TMTC1: variants seen among roughly 807,000 people sequenced by gnomAD.
TMTC1 encodes transmembrane O-mannosyltransferase targeting cadherins 1.
In TMTC1, 73 loss-of-function variants were observed where a neutral mutation model predicts 104.8. The ratio of observed to expected loss-of-function variants is 0.70; its 90% confidence interval spans 0.58 to 0.85. TMTC1 has a LOEUF of 0.85. Ranked by LOEUF, TMTC1 falls within the 40% of genes least tolerant of loss-of-function variation. TMTC1 has a pLI of 0.00. For synonymous variants in TMTC1, 434 were observed against 428.7 expected (o/e 1.01, Z -0.15); for missense variants, 1,035 against 1,096.1 (o/e 0.94, Z 0.79).
chr12:29,702,866 C>T (rs1941636991), intron 5 of TMTC1, among the ~76,000 whole-genome samples: 1 of 152,162 alleles, frequency 6.6e-6, no homozygotes, highest in Admixed American at 6.5e-5. Context: ...AAACTGAGGC[C>T]AGGCACGGTG....
chr12:29,583,781 T>G (rs1019033225), intron 7 of TMTC1, among the ~76,000 whole-genome samples: 28 of 152,194 alleles, frequency 1.8e-4, no homozygotes, highest in African/African-American at 6.8e-4. Context: ...AAATATTTCT[T>G]GCTATTTCTT....
chr12:29,525,159 T>C (rs899651448), intron 11 of TMTC1, among the ~76,000 whole-genome samples: 14 of 1,090 alleles, frequency 0.013, no homozygotes, highest in Middle Eastern at 0.071. Context: ...AAGGGCAGTC[T>C]TTTTTTTTTT....
intron 5 of TMTC1, among the ~76,000 whole-genome samples, chr12:29,634,058 G>A (rs1289777388): frequency 6.6e-6 from 1 of 152,150 alleles, no homozygotes; most frequent in Non-Finnish European, 1.5e-5. Context: ...TCTGCATTAG[G>A]AGACAATCAA....
intron 7 of TMTC1, among the ~76,000 whole-genome samples, chr12:29,603,589 T>G (rs765435469): frequency 6.6e-6 from 1 of 152,126 alleles, no homozygotes; most frequent in Admixed American, 6.6e-5. Context: ...AAAGTGGCCT[T>G]GGAACAATGA....
At chr12:29,627,693 A>G (rs1407237290) in intron 6 of TMTC1, among the ~76,000 whole-genome samples, 1 of 131,416 alleles carries the variant, frequency 7.6e-6, no homozygotes, top group Non-Finnish European at 1.8e-5. Flanking sequence ...TAGTCCAAAA[A>G]AAAAAAAAAA....
At chr12:29,691,105 AG>A (rs1386629908) in intron 5 of TMTC1, among the ~76,000 whole-genome samples, 1 of 152,196 alleles carries the variant, frequency 6.6e-6, no homozygotes, top group African/African-American at 2.4e-5. Flanking sequence ...ATCAGCTACA[AG>A]ATTAGAAATT....
chr12:29,556,143 T>C lies in TMTC1; in HGVS notation c.1676+714A>G, dbSNP rs139948016. On this transcript the variant is annotated intron_variant, in intron 10 of 17. Coordinates refer to ENST00000539277, the MANE Select transcript of TMTC1 (RefSeq NM_001193451.2). ...GACCATCACCAACATGCTTAGACTA[T>C]ATTAATAAACACACAAGATGCAAAA... is the stretch of plus-strand genomic sequence containing the variant. Among the ~76,000 whole-genome samples the C allele has an allele frequency of 1.4e-3, 211 of 152,296 alleles. 1 individual carries two copies. Among genetic ancestry groups the C allele is most frequent in the African/African-American group, 4.8e-3 (199 of 41,548 alleles).
At chr12:29,634,233 T>C (rs1172771667) in intron 5 of TMTC1, among the ~76,000 whole-genome samples, 1 of 152,092 alleles carries the variant, frequency 6.6e-6, no homozygotes, top group Non-Finnish European at 1.5e-5. Context: ...TTTACAAAAA[T>C]GTGCTTATGA....
intron 5 of TMTC1, chr12:29,659,966 G>A: frequency 6.5e-7 from 1 of 1,535,674 alleles, no homozygotes; most frequent in Non-Finnish European, 8.7e-7. Flanking sequence ...ACAGACGGAA[G>A]TACAAAATGA....
chr12:29,702,527 C>T (rs1007382454), intron 5 of TMTC1, among the ~76,000 whole-genome samples: 9 of 152,086 alleles, frequency 5.9e-5, no homozygotes, highest in Non-Finnish European at 8.8e-5. Context: ...AGAAAGTGAG[C>T]GAGCAGAGAA....
At chr12:29,669,785 C>T (rs1297718048) in intron 5 of TMTC1, among the ~76,000 whole-genome samples, 2 of 152,140 alleles carry the variant, frequency 1.3e-5, no homozygotes, top group Admixed American at 6.5e-5. Context: ...GAAGAGGATA[C>T]ATAGTATGTA....
At chr12:29,693,075 C>T (rs1024361305) in intron 5 of TMTC1, among the ~76,000 whole-genome samples, 1 of 144,496 alleles carries the variant, frequency 6.9e-6, no homozygotes, top group Non-Finnish European at 1.5e-5. Context: ...GTAAGGTTTG[C>T]ACAGCTCTAA....
chr12:29,706,663 C>T (rs1941752379), intron 5 of TMTC1, among the ~76,000 whole-genome samples: 1 of 152,136 alleles, frequency 6.6e-6, no homozygotes, highest in African/African-American at 2.4e-5. Context: ...AATCTTAAAC[C>T]ACTTGGGAAC....
chr12:29,624,649 T>G (rs1209949339), intron 6 of TMTC1, among the ~76,000 whole-genome samples: 1 of 152,196 alleles, frequency 6.6e-6, no homozygotes, highest in Non-Finnish European at 1.5e-5. Flanking sequence ...GGCTCACCCT[T>G]GCACTTCCTT....
At chr12:29,666,538 C>T (rs1940296023) in intron 5 of TMTC1, among the ~76,000 whole-genome samples, 1 of 152,064 alleles carries the variant, frequency 6.6e-6, no homozygotes, top group African/African-American at 2.4e-5. Flanking sequence ...CGGCCTACCC[C>T]TTTTCTTTTT....
At chr12:29,631,874 A>T (rs1040887675) in intron 6 of TMTC1, among the ~76,000 whole-genome samples, 1 of 152,074 alleles carries the variant, frequency 6.6e-6, no homozygotes, top group Admixed American at 6.6e-5. Context: ...TGGCTTTGTG[A>T]TCAGCCAATG....
intron 2 of TMTC1, among the ~76,000 whole-genome samples, chr12:29,760,005 C>G (rs1328890535): frequency 6.6e-6 from 1 of 152,114 alleles, no homozygotes. Context: ...GATTATAATA[C>G]CATATTTCTA....
Position 29,687,780 on chromosome 12 carries a change from T to C in TMTC1, c.939-54444A>G, listed in dbSNP as rs115103738. Among the ~76,000 whole-genome samples, 1,095 of 152,324 alleles carry C rather than the reference T, an allele frequency of 7.2e-3. 13 individuals carry two copies. The highest frequency in any genetic ancestry group is 0.025 in the African/African-American group (1,046 of 41,572). On this transcript the variant is annotated intron_variant, in intron 5 of 17. Coordinates refer to ENST00000539277, the MANE Select transcript of TMTC1 (RefSeq NM_001193451.2). ...GATCTCTTCTTGGCTTGCAGACAAC[T>C]ACCTCCTCGCTGTGTCCTCCCATTG...
intron 5 of TMTC1, among the ~76,000 whole-genome samples, chr12:29,711,900 G>A (rs1020023829): frequency 1.1e-4 from 17 of 150,748 alleles, no homozygotes; most frequent in African/African-American, 2.2e-4. Flanking sequence ...CCAACTACTC[G>A]GGAGGCTGAG....
Sources: allele counts gnomAD v4.1 joint callset (sites outside exome capture counted in the v4.1 genomes callset), GRCh38; gene constraint gnomAD v4.1.1; transcripts MANE v1.5; gene names NCBI Gene and HGNC (gene_info 2026-07-23, HGNC 2026-07-21).